Variants in PKD1 observed in about 807,000 individuals in gnomAD.
PKD1 encodes the protein polycystin 1, transient receptor potential channel interacting, also known as polycystin-1.
Under a neutral mutation model 361.7 loss-of-function variants are expected in PKD1, and 81 were observed. That is an observed-to-expected ratio of 0.22 (90% CI 0.19 to 0.27). The LOEUF (loss-of-function observed/expected upper bound fraction) is 0.27. Among genes scored for constraint, PKD1 ranks in the 10% least tolerant of loss-of-function variants. The pLI is 1.00. For synonymous variants in PKD1, 3,615 were observed against 2,818.3 expected (o/e 1.28, Z -8.95); for missense variants, 6,399 against 6,118.3 (o/e 1.05, Z -1.53).
Position 2,093,682 on chromosome 16 carries a change from T to A in PKD1, c.10878A>T (p.Glu3626Asp). Residue 3626 changes from glutamate to aspartate, a missense_variant, in exon 37 of 46, where the codon GAA (glutamate) becomes GAT (aspartate). Glu to Asp is a conservative substitution (Grantham distance 45). Coordinates refer to ENST00000262304, the MANE Select transcript of PKD1 (RefSeq NM_001009944.3). ...SLVAKRLHPD[E>D]DDTLVESPAV... The stretch of plus-strand genomic sequence containing the variant: ...CCGGGCTCTCTACCAGGGTGTCATC[T>A]TCATCCGGGTGCAGCCGCTTGGCCA... The A allele has an allele frequency of 6.2e-7, 1 of 1,605,004 alleles. No homozygotes were observed. Among genetic ancestry groups the A allele is most frequent in the South Asian group, 1.1e-5 (1 of 89,744 alleles).
intron 1 of PKD1, among the ~76,000 whole-genome samples, chr16:2,123,711 A>G (rs1228235727): frequency 6.6e-6 from 1 of 152,064 alleles, no homozygotes; most frequent in African/African-American, 2.4e-5. Context: ...AGCGGCCCTA[A>G]GCCCAGGCAA....
chr16:2,113,046 G>A, intron 12 of PKD1, 83 bp from the exon 13 acceptor site: 1 of 1,420,970 alleles, frequency 7.0e-7, no homozygotes, highest in Admixed American at 1.7e-5. Context: ...CTCACCCACA[G>A]CCATGGCAGC....
rs368452156 is a variant in PKD1 at position 2,088,803 on chromosome 16, T to C, written c.*924A>G. On this transcript the variant is annotated 3_prime_UTR_variant, in exon 46 of 46. Transcript: ENST00000262304. ...GAAGCGGCCATGCCCACAGAAGTGG[T>C]ACACAGAAGCAGGCACAGCCAGCTC... The C allele has an allele frequency of 2.0e-4, 152 of 754,198 alleles. No individual in the cohort carries two copies. In the East Asian group the frequency reaches 3.9e-3, roughly 19 times the overall value. 46.7% of individuals were successfully genotyped at this position (754,198 alleles called of 1,614,324 possible). A position where few individuals can be genotyped will look rare whatever the true frequency, so the allele number is the denominator to read the frequency against.
At chr16:2,103,085 C>G in intron 23 of PKD1, 115 bp from the exon 24 acceptor site, 1 of 1,322,060 alleles carries the variant, frequency 7.6e-7, no homozygotes, top group Non-Finnish European at 1.1e-6. Flanking sequence ...CCATAGGAGC[C>G]TCTGCACCAG....
rs897824836 is a variant in PKD1, at chr16:2,106,080, G to A, written c.7703+11C>T. The A allele has an allele frequency of 1.9e-6, 3 of 1,604,334 alleles. No homozygotes were observed. Among genetic ancestry groups the A allele is most frequent in the East Asian group, 4.5e-5 (2 of 44,754 alleles). On this transcript the variant is annotated intron_variant, in intron 19 of 45. Transcript: ENST00000262304. The surrounding 1 kb of genome is among the most constrained non-coding windows in gnomAD (Gnocchi z 6.5). ...GCAGTCTCGGGGGCGCCCTCCCACG[G>A]CCTGGCTCACCTGTTGAGGGCGACC...
In PKD1 at chr16:2,119,366, G is replaced by A. The variant is rs1481193798; in HGVS notation, c.228C>T (p.His76=). ...CAACGTCCAGCGCCCGGAGCAGGTT[G>A]TGGGAGACGTCTCTGAGGAGTGAGT... ...PADATALDVS[H]NLLRALDVGL... The change falls in exon 2 of 46, where the codon CAC becomes CAT. Residue 76 remains histidine, a synonymous_variant. Transcript: ENST00000262304. 1 of 1,471,720 alleles carries A rather than the reference G, an allele frequency of 6.8e-7. No homozygotes were observed. Among genetic ancestry groups the A allele is most frequent in the Non-Finnish European group, 9.2e-7 (1 of 1,090,054 alleles). 91.2% of individuals were successfully genotyped at this position (1,471,720 alleles called of 1,614,324 possible). A position where few individuals can be genotyped will look rare whatever the true frequency, so the allele number is the denominator to read the frequency against.
Position 2,090,464 on chromosome 16 carries a change from CCACA to C in PKD1, c.12261_12264del (p.Cys4087TrpfsTer110). 1 of 1,612,348 alleles carries C rather than the reference CCACA, an allele frequency of 6.2e-7. No homozygotes were observed. Among genetic ancestry groups the C allele is most frequent in the Non-Finnish European group, 8.5e-7 (1 of 1,179,786 alleles). On this transcript the variant is annotated frameshift_variant, in exon 45 of 46. Coordinates refer to ENST00000262304, the MANE Select transcript of PKD1 (RefSeq NM_001009944.3). LOFTEE classifies it high-confidence loss of function. ...CCCCACAGCCGCAGTGCCCAGAGCC[CCACA>C]CACAGCAGGGGTGACAGGTGCCAGG...
rs1253961968 is a variant in PKD1, at chr16:2,091,412, G to C, written c.11712+11C>G. The C allele has an allele frequency of 8.8e-7, 1 of 1,139,662 alleles. No homozygotes were observed. The highest frequency in any genetic ancestry group is 1.1e-6 in the Non-Finnish European group (1 of 927,794). 70.6% of individuals were successfully genotyped at this position (1,139,662 alleles called of 1,614,324 possible). ...GTGGGAGGCGCGGGGTCTGGCCGGGGACGGGCGTACCGAGGTGAGCAGAGG... is the reference window on the plus strand; with the variant it reads ...GTGGGAGGCGCGGGGTCTGGCCGGGCACGGGCGTACCGAGGTGAGCAGAGG... On this transcript the variant is annotated intron_variant, in intron 42 of 45. Coordinates refer to ENST00000262304, the MANE Select transcript of PKD1 (RefSeq NM_001009944.3).
intron 34 of PKD1, 63 bp from the exon 35 acceptor site, chr16:2,094,273 A>G: frequency 9.5e-7 from 1 of 1,050,440 alleles, no homozygotes; most frequent in Non-Finnish European, 1.5e-6. Context: ...AGCCAAGCCC[A>G]TGTTAACCTG....
At position 2,094,171 on chromosome 16, in the gene PKD1, C is replaced by T. The variant is rs1351507543; in HGVS notation, c.10539G>A (p.Leu3513=). Residue 3513 remains leucine, a synonymous_variant, in exon 35 of 46, where the codon CTG becomes CTA. Coordinates refer to ENST00000262304, the MANE Select transcript of PKD1 (RefSeq NM_001009944.3). ...GTGGCCCCAGCTCCCCCAGCCTCTG[C>T]AGCGCCAGCGTCTCTGTCTTCTCCC... ...TPGEKTETLA[L]QRLGELGPPS... is the part of the protein sequence containing the mutation. 2 of 1,605,636 alleles carry T rather than the reference C, an allele frequency of 1.2e-6. No homozygotes were observed. The highest frequency in any genetic ancestry group is 1.7e-6 in the Non-Finnish European group (2 of 1,176,104).
Position 2,091,546 on chromosome 16 carries a change from C to T in PKD1, c.11589G>A (p.Leu3863=), listed in dbSNP as rs778410054. 62 of 1,520,074 alleles carry T rather than the reference C, an allele frequency of 4.1e-5. No individual in the cohort carries two copies. The highest frequency in any genetic ancestry group is 5.7e-5 in the African/African-American group (4 of 70,432). 94.2% of individuals were successfully genotyped at this position (1,520,074 alleles called of 1,614,324 possible). A position where few individuals can be genotyped will look rare whatever the true frequency, so the allele number is the denominator to read the frequency against. Residue 3863 remains leucine (L), a synonymous_variant, in exon 42 of 46, where the codon CTG becomes CTA. Transcript: ENST00000262304. ...ELTRYSPAVG[L]HAAVTLRLEF... ...CGAGGCGCAGCGTGACGGCGGCGTG[C>T]AGCCCCACGGCCGGGCTGTAGCGCG... is the stretch of plus-strand genomic sequence containing the variant.
chr16:2,089,741 G>A lies in PKD1; in HGVS notation c.12898C>T (p.Pro4300Ser). The change falls in exon 46 of 46, where the codon CCC (proline) becomes TCC (serine). Residue 4300 changes from proline (P) to serine (S), a missense_variant. By Grantham distance (74) the Pro-to-Ser change is moderately conservative. Transcript: ENST00000262304. ...AGGAAGGAGGACTAAGTGCTGCTGG[G>A]GTGGACCTTGTTCTTGGCCCGAAGG... ...TPLRAKNKVHPSST is the reference protein window; with the variant it reads ...TPLRAKNKVHSSST 2 of 1,586,076 alleles carry A rather than the reference G, an allele frequency of 1.3e-6. No individual in the cohort carries two copies. The highest frequency in any genetic ancestry group is 1.1e-5 in the South Asian group (1 of 87,310).
chr16:2,129,781 G>T (rs1014686800), intron 1 of PKD1, among the ~76,000 whole-genome samples: 2 of 151,426 alleles, frequency 1.3e-5, no homozygotes, highest in African/African-American at 4.9e-5. Context: ...AAACTCCTGG[G>T]CTCAAGCGAT....
chr16:2,125,019 A>T (rs948793840), intron 1 of PKD1, among the ~76,000 whole-genome samples: 3 of 152,154 alleles, frequency 2.0e-5, no homozygotes, highest in African/African-American at 7.2e-5. Context: ...TGGGCGCTGG[A>T]GAGGACAGGG....
chr16:2,096,740 CT>C (rs912246051), intron 34 of PKD1: 6 of 208,508 alleles, frequency 2.9e-5, no homozygotes, highest in African/African-American at 1.4e-4. Flanking sequence ...TGGTCTCGAA[CT>C]GCTGACCTCA....
chr16:2,115,310 C>G, intron 10 of PKD1, 68 bp downstream of exon 10: 1 of 1,404,906 alleles, frequency 7.1e-7, no homozygotes, highest in Non-Finnish European at 9.8e-7. Context: ...CAGACCCAGA[C>G]CCTGGGCAGC....
At position 2,091,903 on chromosome 16, in the gene PKD1, T is replaced by C; in HGVS notation, c.11415A>G (p.Ala3805=). 1.2e-6 allele frequency: 2 copies of C among 1,611,548 alleles called. No individual in the cohort carries two copies. The highest frequency in any genetic ancestry group is 1.7e-6 in the Non-Finnish European group (2 of 1,179,600). ...WAYSAPDLLG[A]WSWGSCAVYD... is the part of the protein sequence containing the mutation. Reference sequence around the variant, plus strand: ...ACACGGCACAGGAGCCCCAGGACCATGCCCTGCCGGAGAGGGGTGGCGTGG... The same window carrying C: ...ACACGGCACAGGAGCCCCAGGACCACGCCCTGCCGGAGAGGGGTGGCGTGG... The change falls in exon 41 of 46, where the codon GCA becomes GCG. Residue 3805 remains alanine (A), a synonymous_variant. Coordinates refer to ENST00000262304, the MANE Select transcript of PKD1 (RefSeq NM_001009944.3).
Position 2,109,104 on chromosome 16 carries a change from C to A in PKD1, c.6063G>T (p.Leu2021=), listed in dbSNP as rs377144996. The A allele has an allele frequency of 2.5e-6, 4 of 1,603,256 alleles. No individual in the cohort carries two copies. Among genetic ancestry groups the A allele is most frequent in the African/African-American group, 2.7e-5 (2 of 74,900 alleles). Residue 2021 remains leucine (L), a synonymous_variant, in exon 15 of 46, where the codon CTG becomes CTT. Transcript: ENST00000262304. The stretch of plus-strand genomic sequence containing the variant: ...GCGTGTAGGTGACGTCGCGGCCCGA[C>A]AGGATGACCAGCGAGTCGCCCTGGA... The part of the protein sequence containing the change: ...QKVQGDSLVI[L]SGRDVTYTPV...
Position 2,091,133 on chromosome 16 carries a change from C to A in PKD1, c.11754G>T (p.Glu3918Asp), listed in dbSNP as rs768018704. The stretch of plus-strand genomic sequence containing the variant: ...GCCCTTCCCTGTGCCAAGTACGGGC[C>A]TCGGCCACGGCGAAGTGCACGGCGA... ...LLFAVHFAVAEARTWHREGRW... is the reference protein window; with the variant it reads ...LLFAVHFAVADARTWHREGRW... The change falls in exon 43 of 46, where the codon GAG becomes GAT. Residue 3918 changes from glutamate (E) to aspartate (D), a missense_variant. Physicochemically the swap from Glu to Asp is conservative, Grantham distance 45. Transcript: ENST00000262304. 5 of 1,484,104 alleles carry A rather than the reference C, an allele frequency of 3.4e-6. No individual in the cohort carries two copies. Among genetic ancestry groups the A allele is most frequent in the Non-Finnish European group, 3.6e-6 (4 of 1,124,768 alleles). The allele number at this position is 1,484,104 out of a possible 1,614,324, so 91.9% of individuals were successfully genotyped here.
Sources: allele counts gnomAD v4.1 joint callset (sites outside exome capture counted in the v4.1 genomes callset), GRCh38; gene constraint gnomAD v4.1.1; non-coding constraint Gnocchi (gnomAD v3.1); transcripts MANE v1.5; gene names NCBI Gene and HGNC (gene_info 2026-07-23, HGNC 2026-07-21).